The following CYREN variants were observed in gnomAD, a reference collection of about 807,000 sequenced individuals.
CYREN encodes cell cycle regulator of non-homologous end joining.
Under a neutral mutation model 9.7 loss-of-function variants are expected in CYREN, and 7 were observed. That is an observed-to-expected ratio of 0.72 (90% CI 0.41 to 1.36). The LOEUF is 1.36. Among genes scored for constraint, CYREN ranks in the 40% most tolerant of loss-of-function variants. The pLI is 0.01. For missense variants in CYREN, 215 were observed against 198.1 expected, an observed-to-expected ratio of 1.09 and a Z score of -0.51; for synonymous variants, 76 against 77.9, an observed-to-expected ratio of 0.98 and a Z score of 0.13.
At chr7:135,134,807 G>C (rs1196933498) in intron 2 of CYREN, 12 of 1,534,530 alleles carry the variant, frequency 7.8e-6, no homozygotes, top group Non-Finnish European at 1.1e-5. Context: ...GGTCCATGAT[G>C]GACAAAAATT....
intron 2 of CYREN, among the ~76,000 whole-genome samples, chr7:135,117,967 G>A (rs774608332): frequency 6.6e-6 from 1 of 152,202 alleles, no homozygotes; most frequent in South Asian, 2.1e-4. Flanking sequence ...GCTGTAGGAT[G>A]CAAATTTGAG....
chr7:135,164,884 G>T (rs1027403769), downstream of CYREN: 5 of 1,614,092 alleles, frequency 3.1e-6, no homozygotes, highest in Middle Eastern at 1.6e-4. Flanking sequence ...TCCCTCCCGG[G>T]GCCTGGGTTT....
At chr7:135,141,630 C>T (rs1829454424) in intron 2 of CYREN, among the ~76,000 whole-genome samples, 2 of 151,868 alleles carry the variant, frequency 1.3e-5, no homozygotes, top group South Asian at 4.1e-4. Flanking sequence ...TCTAGTTCTT[C>T]TAGGTGTGGT....
chr7:135,112,735 C>A (rs1005332694), intron 2 of CYREN, among the ~76,000 whole-genome samples: 2 of 152,184 alleles, frequency 1.3e-5, no homozygotes, highest in East Asian at 1.9e-4. Context: ...ATTTACCAAA[C>A]AAAAATAGTG....
chr7:135,169,052 C>CT lies in CYREN; in HGVS notation c.-131dup. On this transcript the variant is annotated 5_prime_UTR_variant, in exon 2 of 4. Transcript: ENST00000393114. ...CCATTTGTCCTCAGTGGGAGTTGAT[C>CT]TTTGATTCCTACAAAGAACAATAAA... is the stretch of plus-strand genomic sequence containing the variant. 2 of 838,612 alleles carry CT rather than the reference C, an allele frequency of 2.4e-6. No homozygotes were observed. The highest frequency in any genetic ancestry group is 3.7e-5 in the South Asian group (2 of 53,914). 51.9% of individuals were successfully genotyped at this position (838,612 alleles called of 1,614,324 possible). A position where few individuals can be genotyped will look rare whatever the true frequency, so the allele number is the denominator to read the frequency against.
intron 2 of CYREN, among the ~76,000 whole-genome samples, chr7:135,105,936 T>C (rs946106808): frequency 3.9e-5 from 6 of 152,184 alleles, no homozygotes; most frequent in Non-Finnish European, 8.8e-5. Context: ...TAATTTTCAT[T>C]GTAGAGATCT....
chr7:135,107,912 T>G (rs1824990290), intron 2 of CYREN, among the ~76,000 whole-genome samples: 1 of 152,198 alleles, frequency 6.6e-6, no homozygotes, highest in South Asian at 2.1e-4. Flanking sequence ...GGTACATATA[T>G]ATTTAGAATA....
intron 2 of CYREN, among the ~76,000 whole-genome samples, chr7:135,152,155 C>T (rs191744098): frequency 5.9e-4 from 90 of 152,342 alleles, no homozygotes; most frequent in African/African-American, 2.0e-3. Flanking sequence ...AGCCATTTTA[C>T]AGATGAAAAA....
At chr7:135,119,163 A>C (rs1000586317) in intron 2 of CYREN, among the ~76,000 whole-genome samples, 2 of 152,152 alleles carry the variant, frequency 1.3e-5, no homozygotes, top group Non-Finnish European at 2.9e-5. Flanking sequence ...AAACCTATAG[A>C]TCAAAAAGCT....
downstream of CYREN, among the ~76,000 whole-genome samples, chr7:135,162,349 T>C (rs1047964719): frequency 1.3e-5 from 2 of 152,228 alleles, no homozygotes; most frequent in African/African-American, 2.4e-5. Flanking sequence ...TTTGGTATCA[T>C]GGCCCCAGTA....
intron 2 of CYREN, among the ~76,000 whole-genome samples, chr7:135,144,949 A>AAAAAAAAAAAAAAAAAAAAAAG: frequency 6.9e-6 from 1 of 145,546 alleles, no homozygotes. Flanking sequence ...AAAAAAAAAA[A>AAAAAAAAAAAAAAAAAAAAAAG]AAAAAAAAAA....
intron 2 of CYREN, chr7:135,129,308 C>T: frequency 7.0e-7 from 1 of 1,432,040 alleles, no homozygotes; most frequent in Non-Finnish European, 9.9e-7. Flanking sequence ...ACCATGGGGT[C>T]TCTCCATGTA....
At chr7:135,143,692 AC>A (rs1487070304) in intron 2 of CYREN, among the ~76,000 whole-genome samples, 5 of 152,088 alleles carry the variant, frequency 3.3e-5, no homozygotes, top group African/African-American at 1.2e-4. Flanking sequence ...CTAAAACAGC[AC>A]CCTGAGAAGC....
chr7:135,167,015 C>T (rs1830202965), intron 3 of CYREN, 144 bp from the exon 4 acceptor site: 9 of 1,462,700 alleles, frequency 6.2e-6, no homozygotes, highest in Non-Finnish European at 8.1e-6. Context: ...CCTGAGCACC[C>T]ACCCTCTCTT....
At chr7:135,164,830 G>T (rs1393009736), downstream of CYREN, 9 of 1,614,080 alleles carry the variant, frequency 5.6e-6, no homozygotes, top group Non-Finnish European at 7.6e-6. Flanking sequence ...CTGGCAGGCG[G>T]CCTGGGCCTC....
exon 3 of CYREN, chr7:135,093,579 A>T (rs1822189847): frequency 6.6e-6 from 1 of 152,198 alleles, no homozygotes. Flanking sequence ...TAAACTGAAA[A>T]CTACAAAAAA....
chr7:135,136,667 T>C (rs1002483125), intron 2 of CYREN, among the ~76,000 whole-genome samples: 8 of 152,182 alleles, frequency 5.3e-5, no homozygotes, highest in Non-Finnish European at 8.8e-5. Context: ...CAAAATTCCA[T>C]TGGCCCTTCT....
At chr7:135,167,615 G>A (rs1228619944) in intron 3 of CYREN, 117 bp downstream of exon 3, 3 of 1,508,546 alleles carry the variant, frequency 2.0e-6, no homozygotes, top group Admixed American at 2.3e-5. Flanking sequence ...GGAAGTGGCA[G>A]GAGGAAGAAG....
intron 2 of CYREN, chr7:135,115,238 T>C: frequency 1.8e-6 from 1 of 552,404 alleles, no homozygotes; most frequent in South Asian, 3.0e-5. Context: ...TTTATTTGTT[T>C]ATTTTCTGCC....
Sources: allele counts gnomAD v4.1 joint callset (sites outside exome capture counted in the v4.1 genomes callset), GRCh38; gene constraint gnomAD v4.1.1; transcripts MANE v1.5; gene names NCBI Gene and HGNC (gene_info 2026-07-23, HGNC 2026-07-21).